The following KCNIP4 variants were observed in gnomAD, a reference collection of about 807,000 sequenced individuals.
KCNIP4 encodes the protein potassium voltage-gated channel interacting protein 4.
In KCNIP4, 12 loss-of-function variants were observed where a neutral mutation model predicts 34.0. The ratio of observed to expected loss-of-function variants is 0.35; its 90% CI spans 0.23 to 0.57. The LOEUF (loss-of-function observed/expected upper bound fraction) is 0.57. KCNIP4 is among the 20% of genes least tolerant of loss of function. The pLI is 0.83. For synonymous variants in KCNIP4, 124 were observed against 102.2 expected (o/e 1.21, Z -1.29); for missense variants, 238 against 311.7 (o/e 0.76, Z 1.78).
At chr4:20,967,637 C>A (rs905805089) in intron 1 of KCNIP4, among the ~76,000 whole-genome samples, 6 of 152,148 alleles carry the variant, frequency 3.9e-5, no homozygotes, top group Admixed American at 1.3e-4. Flanking sequence ...ATGTCTACAA[C>A]CATCTGATCT....
At chr4:21,666,674 T>C (rs551645952) in intron 1 of KCNIP4, among the ~76,000 whole-genome samples, 5 of 152,330 alleles carry the variant, frequency 3.3e-5, no homozygotes, top group African/African-American at 1.2e-4. Flanking sequence ...CTAATCTCTG[T>C]GTTTCACATG....
rs576697358 is a variant in KCNIP4 at position 21,301,275 on chromosome 4, A to G, written c.62-418566T>C. On this transcript the variant is annotated intron_variant, in intron 1 of 8. Coordinates refer to ENST00000382152, the MANE Select transcript of KCNIP4 (RefSeq NM_025221.6). ...TCTACACATAGATAAAAGCAAAATA[A>G]CAACTACATTATACAAATGTCATAT... Among the ~76,000 whole-genome samples the G allele has an allele frequency of 8.5e-5, 13 of 152,312 alleles. No individual in the cohort carries two copies. In the South Asian group the frequency reaches 1.7e-3, roughly 19 times the overall value.
intron 1 of KCNIP4, among the ~76,000 whole-genome samples, chr4:21,521,473 A>G (rs973801013): frequency 6.6e-6 from 1 of 152,114 alleles, no homozygotes; most frequent in Non-Finnish European, 1.5e-5. Flanking sequence ...GCTTCACAAG[A>G]ATATCAAAAA....
intron 1 of KCNIP4, among the ~76,000 whole-genome samples, chr4:21,943,524 A>T (rs2109022105): frequency 6.6e-6 from 1 of 152,248 alleles, no homozygotes; most frequent in East Asian, 1.9e-4. Flanking sequence ...TGGGCAACAG[A>T]GTGAGACTCT....
At chr4:21,822,911 G>C (rs551182752) in intron 1 of KCNIP4, among the ~76,000 whole-genome samples, 1 of 151,804 alleles carries the variant, frequency 6.6e-6, no homozygotes, top group Non-Finnish European at 1.5e-5. Flanking sequence ...AGAGACAGGG[G>C]TTTCACCATG....
chr4:21,701,419 C>T (rs1241306856), intron 1 of KCNIP4, among the ~76,000 whole-genome samples: 8 of 152,136 alleles, frequency 5.3e-5, no homozygotes, highest in African/African-American at 1.9e-4. Context: ...ATTCTCACCA[C>T]AGAAAGATAA....
chr4:21,234,365 A>AACATATATTATATATAAC (rs1182208132), intron 1 of KCNIP4, among the ~76,000 whole-genome samples: 1 of 122,356 alleles, frequency 8.2e-6, no homozygotes, highest in African/African-American at 3.5e-5. Flanking sequence ...TAACATATAT[A>AACATATATTATATATAAC]ATATATAACA....
intron 1 of KCNIP4, among the ~76,000 whole-genome samples, chr4:21,792,138 C>G (rs1720332276): frequency 6.6e-6 from 1 of 151,070 alleles, no homozygotes; most frequent in Non-Finnish European, 1.5e-5. Context: ...TTATTTATCT[C>G]TCTTGTTTCT....
At chr4:21,890,419 T>G (rs1461786639) in intron 1 of KCNIP4, among the ~76,000 whole-genome samples, 1 of 152,194 alleles carries the variant, frequency 6.6e-6, no homozygotes, top group African/African-American at 2.4e-5. Context: ...CATCTGGGAA[T>G]GTTCTTCATA....
chr4:21,738,784 T>C (rs115616165), intron 1 of KCNIP4, among the ~76,000 whole-genome samples: 4,368 of 152,206 alleles, frequency 0.029, 196 homozygotes, highest in African/African-American at 0.099. Flanking sequence ...TTCTTCTCAA[T>C]TTCCAGCAGC....
At chr4:20,844,248 T>C (rs564891032) in intron 3 of KCNIP4, among the ~76,000 whole-genome samples, 3 of 152,322 alleles carry the variant, frequency 2.0e-5, no homozygotes, top group South Asian at 4.1e-4. Context: ...CATAGGCTTA[T>C]AGGCAATCTT....
chr4:21,829,346 A>G (rs1234562705), intron 1 of KCNIP4, among the ~76,000 whole-genome samples: 10 of 152,118 alleles, frequency 6.6e-5, no homozygotes, highest in Admixed American at 6.6e-4. Flanking sequence ...GGTGATGGTC[A>G]TTCAAACATT....
intron 1 of KCNIP4, among the ~76,000 whole-genome samples, chr4:21,802,181 G>A (rs1721042972): frequency 7.0e-6 from 1 of 143,688 alleles, no homozygotes; most frequent in Admixed American, 6.9e-5. Flanking sequence ...TGCCAGGAAT[G>A]TTAAAATCTG....
At chr4:21,832,148 T>C (rs948214446) in intron 1 of KCNIP4, among the ~76,000 whole-genome samples, 3 of 152,122 alleles carry the variant, frequency 2.0e-5, no homozygotes, top group African/African-American at 7.2e-5. Flanking sequence ...ATCATATAAT[T>C]CTTTCATAGA....
At chr4:21,072,776 TG>T (rs1560696315) in intron 1 of KCNIP4, among the ~76,000 whole-genome samples, 1 of 152,212 alleles carries the variant, frequency 6.6e-6, no homozygotes, top group Non-Finnish European at 1.5e-5. Flanking sequence ...TTTATGGTTT[TG>T]GGTCTAACAT....
At chr4:21,115,524 C>T (rs1488482549) in intron 1 of KCNIP4, among the ~76,000 whole-genome samples, 1 of 152,070 alleles carries the variant, frequency 6.6e-6, no homozygotes, top group Non-Finnish European at 1.5e-5. Flanking sequence ...CAAAACAGTA[C>T]AAAAGGGATT....
At chr4:20,862,523 T>A (rs1054689646) in intron 2 of KCNIP4, among the ~76,000 whole-genome samples, 38 of 151,816 alleles carry the variant, frequency 2.5e-4, no homozygotes, top group African/African-American at 8.7e-4. Context: ...AAGAGAAAAA[T>A]TTTAAAAAGC....
At chr4:21,645,365 C>T (rs778134346) in intron 1 of KCNIP4, among the ~76,000 whole-genome samples, 15 of 152,188 alleles carry the variant, frequency 9.9e-5, no homozygotes, top group African/African-American at 2.4e-4. Flanking sequence ...CTGTATTAAG[C>T]GGTTAATGGA....
chr4:21,690,312 C>T (rs2109042035), intron 1 of KCNIP4, among the ~76,000 whole-genome samples: 1 of 151,938 alleles, frequency 6.6e-6, no homozygotes, highest in East Asian at 1.9e-4. Context: ...AAACTTCATC[C>T]AAGAAAAGAT....
Sources: allele counts gnomAD v4.1 joint callset (sites outside exome capture counted in the v4.1 genomes callset), GRCh38; gene constraint gnomAD v4.1.1; transcripts MANE v1.5; gene names NCBI Gene and HGNC (gene_info 2026-07-23, HGNC 2026-07-21).